TBC1D21: variants seen among roughly 807,000 people sequenced by gnomAD.
TBC1D21 encodes TBC1 domain family member 21.
TBC1D21 carries 38 observed loss-of-function variants against 46.0 expected under a neutral mutation model. The observed-to-expected ratio is 0.83, with a 90% CI of 0.64 to 1.08. TBC1D21 has a LOEUF of 1.08. Ranked by LOEUF, TBC1D21 falls within the 50% of genes least tolerant of loss-of-function variation. The pLI is 0.00. For synonymous variants in TBC1D21, 151 were observed against 157.2 expected, an observed-to-expected ratio of 0.96 and a Z score of 0.29; for missense variants, 415 against 417.9, an observed-to-expected ratio of 0.99 and a Z score of 0.06.
At chr15:73,890,585 G>C (rs993308257), downstream of TBC1D21, among the ~76,000 whole-genome samples, 3 of 152,210 alleles carry the variant, frequency 2.0e-5, no homozygotes, top group Non-Finnish European at 2.9e-5. Context: ...ATCTTGCTGA[G>C]CTAGTTTTGG....
intron 1 of TBC1D21, among the ~76,000 whole-genome samples, chr15:73,881,194 T>C (rs2068147507): frequency 6.6e-6 from 1 of 152,252 alleles, no homozygotes; most frequent in Non-Finnish European, 1.5e-5. Flanking sequence ...GCATTTTTCA[T>C]GTTGGTGAGT....
At chr15:73,884,602 C>T (rs1397778787) in intron 4 of TBC1D21, among the ~76,000 whole-genome samples, 179 bp from the exon 5 acceptor site, 2 of 152,136 alleles carry the variant, frequency 1.3e-5, no homozygotes, top group Non-Finnish European at 2.9e-5. Flanking sequence ...TGGGAAGAAA[C>T]ACAGACAGCT....
rs374370266 is a variant in TBC1D21, at chr15:73,886,576, C to T, written c.741C>T (p.Ala247=). 1.2e-5 allele frequency: 19 copies of T among 1,613,548 alleles called. No individual in the cohort carries two copies. In the South Asian group the frequency reaches 1.2e-4, roughly 10 times the overall value. ...GGTTCTGCTTCTGCTTCCAGCGTGC[C>T]TTCAAGTCCTTCGATGATGTCTGGA... is the stretch of plus-strand genomic sequence containing the variant. The part of the protein sequence containing the change: ...FPWFCFCFQR[A]FKSFDDVWRL... Residue 247 remains alanine (A), a synonymous_variant, in exon 8 of 11, where the codon GCC becomes GCT. Coordinates refer to ENST00000300504, the MANE Select transcript of TBC1D21 (RefSeq NM_153356.3).
At position 73,886,104 on chromosome 15, in the gene TBC1D21, C is replaced by A. The variant is rs765443450; in HGVS notation, c.606C>A (p.Gly202=). 1.9e-6 allele frequency: 3 copies of A among 1,614,188 alleles called. No individual in the cohort carries two copies. Among genetic ancestry groups the A allele is most frequent in the South Asian group, 1.1e-5 (1 of 91,084 alleles). The change falls in exon 7 of 11, where the codon GGC becomes GGA. Residue 202 remains glycine (G), a synonymous_variant. Transcript: ENST00000300504. ...AACACAGCTGTGTCATCAACATTGGCGTGGCCAAGAACCTAGACATGCTCA... is the reference window on the plus strand; with the variant it reads ...AACACAGCTGTGTCATCAACATTGGAGTGGCCAAGAACCTAGACATGCTCA... ...KTEHSCVINI[G]VAKNLDMLST... is the part of the protein sequence containing the mutation.
chr15:73,883,641 A>C (rs1003326100), intron 3 of TBC1D21, among the ~76,000 whole-genome samples: 5 of 152,218 alleles, frequency 3.3e-5, no homozygotes, highest in Admixed American at 6.5e-5. Flanking sequence ...CTTTTCCCCC[A>C]CATGGTTACA....
downstream of TBC1D21, among the ~76,000 whole-genome samples, chr15:73,890,091 A>G (rs1286284584): frequency 1.3e-5 from 2 of 152,196 alleles, no homozygotes; most frequent in East Asian, 3.8e-4. Context: ...GGCTGACATT[A>G]CACATGGGCA....
At chr15:73,892,167 G>T (rs1165528793), downstream of TBC1D21, among the ~76,000 whole-genome samples, 1 of 152,238 alleles carries the variant, frequency 6.6e-6, no homozygotes, top group Non-Finnish European at 1.5e-5. Flanking sequence ...TGACCTGTCT[G>T]TGGAGAGGAG....
At chr15:73,881,576 C>T (rs550475389) in intron 2 of TBC1D21, 68 bp from the exon 3 acceptor site, 13 of 1,598,440 alleles carry the variant, frequency 8.1e-6, no homozygotes, top group Middle Eastern at 1.7e-4. Flanking sequence ...GCAGGTGTGG[C>T]GTTGGATGAA....
In TBC1D21 at chr15:73,884,216, G is replaced by A. The variant is rs16958445; in HGVS notation, c.338G>A (p.Arg113Gln). 0.017 allele frequency: 26,802 copies of A among 1,614,184 alleles called. 1,354 individuals are homozygous for A. The highest frequency in any genetic ancestry group is 0.15 in the East Asian group (6,688 of 44,878). Residue 113 changes from arginine (R) to glutamine (Q), a missense_variant, in exon 4 of 11, where the codon CGG becomes CAG. Arg to Gln is a conservative substitution (Grantham distance 43, BLOSUM62 1). Coordinates refer to ENST00000300504, the MANE Select transcript of TBC1D21 (RefSeq NM_153356.3). The stretch of plus-strand genomic sequence containing the variant: ...CAGCCCCTTCTGGAAAACCTGCACC[G>A]GAACTTCACAGAGACTCGCAATAAC... ...KIQPLLENLH[R>Q]NFTETRNNIA...
At chr15:73,890,028 C>T (rs779333784), downstream of TBC1D21, among the ~76,000 whole-genome samples, 6 of 152,296 alleles carry the variant, frequency 3.9e-5, no homozygotes, top group South Asian at 4.1e-4. Context: ...CACACACACA[C>T]GAATGCACAC....
In TBC1D21 at chr15:73,888,513, T is replaced by C. The variant is rs2068291927; in HGVS notation, c.978T>C (p.Asp326=). 1 of 1,613,834 alleles carries C rather than the reference T, an allele frequency of 6.2e-7. No individual in the cohort carries two copies. Among genetic ancestry groups the C allele is most frequent in the East Asian group, 2.2e-5 (1 of 44,880 alleles). ...TTTATGCTGAGCTCATCCAGAAGGA[T>C]GTAAGTTGCCCCAATGATGTGTCCT... ...CVVYAELIQK[D]VPQTLKDFFL is the part of the protein sequence containing the mutation. Residue 326 remains aspartate (D), a splice_region_variant and synonymous_variant, in exon 10 of 11, where the codon GAT becomes GAC. Coordinates refer to ENST00000300504, the MANE Select transcript of TBC1D21 (RefSeq NM_153356.3).
Position 73,886,509 on chromosome 15 carries a change from C to A in TBC1D21, c.677-3C>A. Reference sequence around the variant, plus strand: ...ACCACAGCCTCACCTTCTCTCCCCACAGAAGGGAAGGGTGCAGGGGCTGTG... The same window carrying A: ...ACCACAGCCTCACCTTCTCTCCCCAAAGAAGGGAAGGGTGCAGGGGCTGTG... On this transcript the variant is annotated splice_polypyrimidine_tract_variant and splice_region_variant and intron_variant, in intron 7 of 10. Coordinates refer to ENST00000300504, the MANE Select transcript of TBC1D21 (RefSeq NM_153356.3). The A allele has an allele frequency of 6.2e-7, 1 of 1,613,446 alleles. No homozygotes were observed. Among genetic ancestry groups the A allele is most frequent in the Non-Finnish European group, 8.5e-7 (1 of 1,179,720 alleles).
downstream of TBC1D21, among the ~76,000 whole-genome samples, chr15:73,890,517 C>T (rs1247574445): frequency 6.6e-6 from 1 of 152,174 alleles, no homozygotes; most frequent in Non-Finnish European, 1.5e-5. Flanking sequence ...AGACAGTTCT[C>T]CAAGGATGAA....
intron 1 of TBC1D21, among the ~76,000 whole-genome samples, chr15:73,880,697 G>A (rs1220526979): frequency 6.6e-6 from 1 of 151,642 alleles, no homozygotes; most frequent in East Asian, 1.9e-4. Context: ...CTTGAACCTG[G>A]GAGGCAGAGG....
the TBC1D21 span, chr15:73,909,643 T>G: frequency 6.6e-6 from 1 of 152,152 alleles, no homozygotes; most frequent in African/African-American, 2.4e-5. Flanking sequence ...TGACCTTCTT[T>G]CTTCTAGGGT....
rs552965344 is a variant in TBC1D21, at chr15:73,886,620, G to A, written c.777+8G>A. On this transcript the variant is annotated splice_region_variant and intron_variant, in intron 8 of 10. Transcript: ENST00000300504. ...GTCTGGAGGCTCTGGGAGGTGAGGT[G>A]TCCAGCTAGGGATCATCAGGCTGGG... 5.6e-6 allele frequency: 9 copies of A among 1,612,502 alleles called. No homozygotes were observed. The highest frequency in any genetic ancestry group is 2.2e-5 in the East Asian group (1 of 44,880).
chr15:73,899,180 C>T, the TBC1D21 span, among the ~76,000 whole-genome samples: 5 of 151,980 alleles, frequency 3.3e-5, no homozygotes, highest in Admixed American at 2.6e-4. Flanking sequence ...TAGCCGTGGC[C>T]GAGAGGTCTG....
chr15:73,876,303 C>T (rs1246792092), intron 1 of TBC1D21, among the ~76,000 whole-genome samples: 2 of 137,746 alleles, frequency 1.5e-5, no homozygotes. Context: ...TCTCAGCTCA[C>T]TGCAAGCTCC....
At chr15:73,883,575 G>T (rs1235779818) in intron 3 of TBC1D21, among the ~76,000 whole-genome samples, 2 of 152,164 alleles carry the variant, frequency 1.3e-5, no homozygotes, top group Non-Finnish European at 2.9e-5. Context: ...GGTCCACCTG[G>T]AAAGTCTTAC....
Sources: allele counts gnomAD v4.1 joint callset (sites outside exome capture counted in the v4.1 genomes callset), GRCh38; gene constraint gnomAD v4.1.1; transcripts MANE v1.5; gene names NCBI Gene and HGNC (gene_info 2026-07-23, HGNC 2026-07-21).